The following PCLO variants were observed in gnomAD, a reference collection of about 807,000 sequenced individuals.
PCLO encodes the protein protein piccolo.
PCLO carries 82 observed loss-of-function variants against 427.5 expected under a neutral mutation model. The observed-to-expected ratio is 0.19, with a 90% CI of 0.16 to 0.23. The LOEUF (loss-of-function observed/expected upper bound fraction) is 0.23, where lower values mean the gene tolerates loss of function less well. PCLO is among the 10% of genes least tolerant of loss of function. The pLI, the probability that PCLO is intolerant of heterozygous loss-of-function variation, is 1.00. For missense variants in PCLO, 6,239 were observed against 6,115.9 expected, an observed-to-expected ratio of 1.02 and a Z score of -0.67; for synonymous variants, 2,357 against 2,155.4, an observed-to-expected ratio of 1.09 and a Z score of -2.59.
At chr7:82,923,701 G>A (rs575641704) in intron 6 of PCLO, among the ~76,000 whole-genome samples, 2 of 152,202 alleles carry the variant, frequency 1.3e-5, no homozygotes, top group Non-Finnish European at 2.9e-5. Context: ...AGCAGTGCTT[G>A]AGCAGAACAT....
At chr7:82,925,232 G>A (rs547767030) in intron 6 of PCLO, among the ~76,000 whole-genome samples, 58 of 152,166 alleles carry the variant, frequency 3.8e-4, no homozygotes, top group Middle Eastern at 6.8e-3. Context: ...CATTGGGAAG[G>A]GAAGTGAAAT....
At chr7:82,858,716 T>C (rs1442324293) in intron 10 of PCLO, among the ~76,000 whole-genome samples, 3 of 152,038 alleles carry the variant, frequency 2.0e-5, no homozygotes, top group Non-Finnish European at 2.9e-5. Flanking sequence ...ATATCATATA[T>C]GATAGCTACA....
intron 3 of PCLO, among the ~76,000 whole-genome samples, chr7:82,982,370 C>T (rs780317207): frequency 2.6e-5 from 4 of 151,976 alleles, no homozygotes; most frequent in Non-Finnish European, 4.4e-5. Flanking sequence ...AGTTGATCCA[C>T]GAAGAATCAG....
rs146580367 is a variant in PCLO, at chr7:83,143,881, A to G, written c.1894-8225T>C. Among the ~76,000 whole-genome samples, 301 of 152,344 alleles carry G rather than the reference A, an allele frequency of 2.0e-3. 4 individuals carry two copies. Among genetic ancestry groups the G allele is most frequent in the African/African-American group, 6.3e-3 (264 of 41,584 alleles). On this transcript the variant is annotated intron_variant, in intron 2 of 24. Coordinates refer to ENST00000333891, the MANE Select transcript of PCLO (RefSeq NM_033026.6). Reference sequence around the variant, plus strand: ...CACACACCTAGATATACCACAAAATATTGCAGCTTGTGATCCAAGGGTTCC... The same window carrying G: ...CACACACCTAGATATACCACAAAATGTTGCAGCTTGTGATCCAAGGGTTCC...
intron 3 of PCLO, among the ~76,000 whole-genome samples, chr7:83,089,735 C>A (rs934735299): frequency 6.6e-6 from 1 of 152,140 alleles, no homozygotes; most frequent in Admixed American, 6.5e-5. Flanking sequence ...GCAAGGCAGG[C>A]AGCTTCTGCA....
chr7:83,113,561 T>C (rs924878818), intron 3 of PCLO, among the ~76,000 whole-genome samples: 8 of 152,184 alleles, frequency 5.3e-5, no homozygotes, highest in South Asian at 2.1e-4. Flanking sequence ...AGATATGAAG[T>C]TGACCAATAT....
At chr7:83,043,076 T>A (rs1270924288) in intron 3 of PCLO, among the ~76,000 whole-genome samples, 4 of 152,114 alleles carry the variant, frequency 2.6e-5, no homozygotes. Flanking sequence ...TGTTTAGGAG[T>A]GTCCCTGGCT....
chr7:83,032,468 CTCCCTTCCT>C (rs1205617783), intron 3 of PCLO, among the ~76,000 whole-genome samples: 382 of 148,800 alleles, frequency 2.6e-3, no homozygotes, highest in Non-Finnish European at 4.5e-3. Flanking sequence ...CCTCCCTTCC[CTCCCTTCCT>C]TCCCTTCCTT....
At chr7:83,117,643 T>G (rs549404369) in intron 3 of PCLO, among the ~76,000 whole-genome samples, 1 of 152,202 alleles carries the variant, frequency 6.6e-6, no homozygotes, top group South Asian at 2.1e-4. Context: ...ACTCACTGTA[T>G]GTACAGCATA....
chr7:83,025,794 A>G (rs1788479047), intron 3 of PCLO, among the ~76,000 whole-genome samples: 1 of 152,182 alleles, frequency 6.6e-6, no homozygotes, highest in Non-Finnish European at 1.5e-5. Context: ...AGTGGGGGCC[A>G]ATATTCAACA....
chr7:82,841,272 T>C (rs886720881), intron 14 of PCLO, among the ~76,000 whole-genome samples, 187 bp downstream of exon 14: 8 of 152,074 alleles, frequency 5.3e-5, no homozygotes, highest in African/African-American at 1.9e-4. Flanking sequence ...TACATAGCTA[T>C]GATTGGACTT....
intron 9 of PCLO, among the ~76,000 whole-genome samples, chr7:82,894,852 A>G (rs1422422385): frequency 6.6e-6 from 1 of 152,048 alleles, no homozygotes; most frequent in African/African-American, 2.4e-5. Flanking sequence ...AAATAGATTT[A>G]ATAAGTTCTC....
At chr7:83,040,140 T>G (rs1788936039) in intron 3 of PCLO, among the ~76,000 whole-genome samples, 1 of 152,256 alleles carries the variant, frequency 6.6e-6, no homozygotes, top group East Asian at 1.9e-4. Context: ...GTGCATAATT[T>G]TTTGTTAGAA....
At chr7:82,909,747 T>C (rs887935249) in intron 7 of PCLO, among the ~76,000 whole-genome samples, 13 of 152,092 alleles carry the variant, frequency 8.5e-5, no homozygotes, top group Non-Finnish European at 1.9e-4. Flanking sequence ...GATTACGTAG[T>C]AGCCTAATAT....
chr7:83,020,715 A>G (rs961388437), intron 3 of PCLO, among the ~76,000 whole-genome samples: 2 of 152,172 alleles, frequency 1.3e-5, no homozygotes, highest in African/African-American at 4.8e-5. Context: ...AGCAGCATTA[A>G]TAAACTGAGA....
At chr7:83,123,653 C>G (rs1164357922) in intron 3 of PCLO, among the ~76,000 whole-genome samples, 1 of 152,004 alleles carries the variant, frequency 6.6e-6, no homozygotes, top group East Asian at 1.9e-4. Context: ...AAAACTTCTT[C>G]ACAGCAAAGG....
At chr7:82,936,699 T>C (rs1192765848) in intron 6 of PCLO, among the ~76,000 whole-genome samples, 1 of 151,636 alleles carries the variant, frequency 6.6e-6, no homozygotes, top group Admixed American at 6.6e-5. Context: ...TGTAAACAGA[T>C]ACACAAATAC....
At chr7:82,838,132 T>C (rs1792274103) in intron 15 of PCLO, 86 bp downstream of exon 15, 1 of 896,222 alleles carries the variant, frequency 1.1e-6, no homozygotes, top group South Asian at 1.7e-5. Flanking sequence ...TAAAGTCAAT[T>C]AAAATGAGGT....
chr7:82,838,391 C>T, intron 14 of PCLO, 49 bp from the exon 15 acceptor site: 2 of 1,057,928 alleles, frequency 1.9e-6, no homozygotes, highest in Non-Finnish European at 2.7e-6. Flanking sequence ...GCATGTTATA[C>T]ATTATCATTC....
Sources: allele counts gnomAD v4.1 joint callset (sites outside exome capture counted in the v4.1 genomes callset), GRCh38; gene constraint gnomAD v4.1.1; transcripts MANE v1.5; gene names NCBI Gene and HGNC (gene_info 2026-07-23, HGNC 2026-07-21).